Variants in ANKHD1 observed in about 807,000 individuals in gnomAD.
ANKHD1 encodes the protein ankyrin repeat and KH domain-containing protein 1.
Under a neutral mutation model 230.5 loss-of-function variants are expected in ANKHD1, and 31 were observed. The observed-to-expected ratio is 0.13, with a 90% CI of 0.10 to 0.18. The LOEUF (loss-of-function observed/expected upper bound fraction) is 0.18. ANKHD1 is among the 10% of genes least tolerant of loss of function. The probability of loss-of-function intolerance (pLI) is 1.00; values close to 1 mark genes in which losing one functional copy is unlikely to be tolerated. For missense variants in ANKHD1, 2,256 were observed against 3,071.3 expected (o/e 0.73, Z 6.27); for synonymous variants, 1,074 against 1,117.6 (o/e 0.96, Z 0.78).
chr5:140,518,370 C>T (rs200688802), intron 24 of ANKHD1, among the ~76,000 whole-genome samples: 2 of 122,968 alleles, frequency 1.6e-5, no homozygotes, highest in African/African-American at 6.0e-5. Flanking sequence ...CAAGGAGGAG[C>T]TGGTACCATT....
At chr5:140,531,112 G>A (rs1753795210) in intron 29 of ANKHD1, among the ~76,000 whole-genome samples, 1 of 152,140 alleles carries the variant, frequency 6.6e-6, no homozygotes, top group Non-Finnish European at 1.5e-5. Context: ...AAGCCCCAGG[G>A]TGAAAGAAGA....
chr5:140,420,992 G>A (rs1771930075), intron 1 of ANKHD1, among the ~76,000 whole-genome samples: 1 of 152,152 alleles, frequency 6.6e-6, no homozygotes, highest in African/African-American at 2.4e-5. Flanking sequence ...CTGTAGGTGG[G>A]GAGAAATTCA....
chr5:140,419,442 TTTTC>T (rs1454024015), intron 1 of ANKHD1, among the ~76,000 whole-genome samples: 6 of 147,144 alleles, frequency 4.1e-5, no homozygotes, highest in East Asian at 2.0e-4. Flanking sequence ...GTTGTCTTCA[TTTTC>T]TTTCTTTCTT....
chr5:140,405,476 T>C (rs1464595841), intron 1 of ANKHD1, among the ~76,000 whole-genome samples: 1 of 152,162 alleles, frequency 6.6e-6, no homozygotes, highest in East Asian at 1.9e-4. Context: ...CCCTTTTCTT[T>C]TTCTGTCTGA....
Position 140,485,695 on chromosome 5 carries a change from T to G in ANKHD1, c.2105T>G (p.Val702Gly), listed in dbSNP as rs992206595. 3 of 1,613,988 alleles carry G rather than the reference T, an allele frequency of 1.9e-6. No individual in the cohort carries two copies. In the African/African-American group the frequency reaches 4.0e-5, roughly 22 times the overall value. Residue 702 changes from valine to glycine, a missense_variant, in exon 13 of 34, where the codon GTG becomes GGG. Val to Gly is a moderately radical substitution (Grantham distance 109). This residue lies in a region of ANKHD1 where 358 missense variants were observed against 397.7 expected (regional missense o/e 0.90). Transcript: ENST00000360839. This position sits in a 1 kb window ranked among gnomAD's most constrained non-coding sequence, Gnocchi z 4.8. The stretch of plus-strand genomic sequence containing the variant: ...GTTCTGTCAGTTCCCACCACAGATG[T>G]GTCTCAGCTCCCTCCACCTTCTCAA... ...NNVLSVPTTD[V>G]SQLPPPSQDQ...
At chr5:140,439,104 A>AT (rs1328414519) in intron 3 of ANKHD1, among the ~76,000 whole-genome samples, 2 of 152,132 alleles carry the variant, frequency 1.3e-5, no homozygotes, top group Non-Finnish European at 2.9e-5. Flanking sequence ...CAGAATCTGC[A>AT]TTTTAACAAG....
intron 1 of ANKHD1, among the ~76,000 whole-genome samples, chr5:140,422,773 G>A (rs1402923535): frequency 6.6e-6 from 1 of 150,862 alleles, no homozygotes; most frequent in Non-Finnish European, 1.5e-5. Flanking sequence ...TTGCACCATT[G>A]CACTCCAGCC....
rs1421462114 is a variant in ANKHD1 at position 140,507,017 on chromosome 5, A to G, written c.3551+40A>G. ...TTTTATTGTTCATGTTTAGTAAGTT[A>G]CTACTTTGGACTTAAATGTCTACCT... On this transcript the variant is annotated intron_variant, in intron 19 of 33. Coordinates refer to ENST00000360839, the MANE Select transcript of ANKHD1 (RefSeq NM_017747.3). This position sits in a 1 kb window ranked among gnomAD's most constrained non-coding sequence, Gnocchi z 4.1. 2 of 1,600,608 alleles carry G rather than the reference A, an allele frequency of 1.2e-6. No homozygotes were observed. Among genetic ancestry groups the G allele is most frequent in the Non-Finnish European group, 1.7e-6 (2 of 1,174,996 alleles).
chr5:140,501,206 A>ATTACT (rs1752289399), intron 15 of ANKHD1, among the ~76,000 whole-genome samples: 1 of 150,134 alleles, frequency 6.7e-6, no homozygotes, highest in South Asian at 2.1e-4. Context: ...CCTCCCAAGT[A>ATTACT]GCTGGGATTA....
At chr5:140,433,211 CAT>C (rs1296177400) in intron 1 of ANKHD1, among the ~76,000 whole-genome samples, 1 of 152,136 alleles carries the variant, frequency 6.6e-6, no homozygotes, top group African/African-American at 2.4e-5. Flanking sequence ...TGATTACAAT[CAT>C]GTGCCACCAC....
rs1000997702 is a variant in ANKHD1, at chr5:140,506,231, C to T, written c.3408+362C>T. Among the ~76,000 whole-genome samples the T allele has an allele frequency of 6.6e-6, 1 of 151,950 alleles. No homozygotes were observed. The highest frequency in any genetic ancestry group is 6.6e-5 in the Admixed American group (1 of 15,262). Reference sequence around the variant, plus strand: ...ATGGGCCAGCATGCCTGGCCCTGCACGTATTTTAACATGTTCCATATACTT... The same window carrying T: ...ATGGGCCAGCATGCCTGGCCCTGCATGTATTTTAACATGTTCCATATACTT... On this transcript the variant is annotated intron_variant, in intron 18 of 33. Coordinates refer to ENST00000360839, the MANE Select transcript of ANKHD1 (RefSeq NM_017747.3). The surrounding 1 kb of genome is among the most constrained non-coding windows in gnomAD (Gnocchi z 4.7).
At chr5:140,423,076 AT>A (rs1377140701) in intron 1 of ANKHD1, among the ~76,000 whole-genome samples, 1 of 151,400 alleles carries the variant, frequency 6.6e-6, no homozygotes, top group Non-Finnish European at 1.5e-5. Flanking sequence ...ATTTTAAAAT[AT>A]TTTTTGGTGG....
intron 1 of ANKHD1, among the ~76,000 whole-genome samples, chr5:140,406,259 AT>A (rs909665052): frequency 1.3e-5 from 2 of 151,844 alleles, no homozygotes; most frequent in African/African-American, 4.8e-5. Context: ...AAAATAAATT[AT>A]TTTAGAAACA....
chr5:140,465,485 G>C (rs935677209), intron 10 of ANKHD1, among the ~76,000 whole-genome samples: 6 of 152,134 alleles, frequency 3.9e-5, no homozygotes, highest in African/African-American at 1.4e-4. Context: ...TATTTTGTGA[G>C]AGTGCTTTAA....
At chr5:140,496,171 C>G (rs556029713) in intron 14 of ANKHD1, among the ~76,000 whole-genome samples, 1 of 152,090 alleles carries the variant, frequency 6.6e-6, no homozygotes, top group African/African-American at 2.4e-5. Flanking sequence ...TTTAAAAAGT[C>G]CAATCTAATC....
intron 1 of ANKHD1, among the ~76,000 whole-genome samples, chr5:140,427,171 A>C: frequency 7.6e-6 from 1 of 132,336 alleles, no homozygotes; most frequent in South Asian, 2.7e-4. Context: ...TCCCTCCCGG[A>C]CGGGGCAGCT....
Position 140,428,877 on chromosome 5 carries a change from G to C in ANKHD1, c.307-7227G>C, listed in dbSNP as rs1772779765. On this transcript the variant is annotated intron_variant, in intron 1 of 33. Transcript: ENST00000360839. ...GGCTCACTGCAACCTCTGCTGCCTGGGTTCAAGCGATTCTCGTGTGTCAGC... is the reference window on the plus strand; with the variant it reads ...GGCTCACTGCAACCTCTGCTGCCTGCGTTCAAGCGATTCTCGTGTGTCAGC... 2.0e-5 allele frequency among the ~76,000 whole-genome samples: 3 copies of C among 151,740 alleles called. No homozygotes were observed. The South Asian group carries it at 6.2e-4, about 32-fold the overall frequency.
Position 140,485,245 on chromosome 5 carries a change from C to T in ANKHD1, c.1995C>T (p.Leu665=). 1 of 1,611,638 alleles carries T rather than the reference C, an allele frequency of 6.2e-7. No homozygotes were observed. The highest frequency in any genetic ancestry group is 1.1e-5 in the South Asian group (1 of 90,948). ...LAHGADPTHR[L]KDGSTMLIEA... ...ATGGGGCTGACCCTACTCATCGACT[C>T]AAGGTAGTCTACTTAAAAATAAGTA... Residue 665 remains leucine (L), a synonymous_variant, in exon 12 of 34, where the codon CTC becomes CTT. Transcript: ENST00000360839. This position sits in a 1 kb window ranked among gnomAD's most constrained non-coding sequence, Gnocchi z 4.8.
intron 9 of ANKHD1, among the ~76,000 whole-genome samples, chr5:140,463,212 C>T (rs1775845626): frequency 1.3e-5 from 2 of 151,978 alleles, no homozygotes; most frequent in South Asian, 2.1e-4. Flanking sequence ...ATAAGATGGC[C>T]TTTACTTCAT....
Sources: gnomAD v4.1 joint callset for allele counts (sites outside exome capture counted in the v4.1 genomes callset) on GRCh38, gnomAD v4.1.1 for gene constraint, gnomAD v4.1.1 regional missense constraint, Gnocchi (gnomAD v3.1) non-coding constraint, MANE v1.5 for transcripts, NCBI Gene and HGNC (gene_info 2026-07-23, HGNC 2026-07-21) for gene names.